Variants in GRIN2A observed in about 807,000 individuals in gnomAD.
The protein encoded by GRIN2A is glutamate ionotropic receptor NMDA type subunit 2A, also known as glutamate receptor ionotropic, NMDA 2A.
In GRIN2A, 22 loss-of-function variants were observed where a neutral mutation model predicts 113.4. That is an observed-to-expected ratio of 0.19 (90% CI 0.14 to 0.28). The LOEUF (loss-of-function observed/expected upper bound fraction) is 0.28, where lower values mean the gene tolerates loss of function less well. Among genes scored for constraint, GRIN2A ranks in the 10% least tolerant of loss-of-function variants. The pLI, the probability that GRIN2A is intolerant of heterozygous loss-of-function variation, is 1.00. For synonymous variants in GRIN2A, 827 were observed against 738.4 expected (o/e 1.12, Z -1.94); for missense variants, 1,502 against 1,887.0 (o/e 0.80, Z 3.78).
chr16:10,113,976 G>A (rs887296883), intron 2 of GRIN2A, among the ~76,000 whole-genome samples: 5 of 151,688 alleles, frequency 3.3e-5, no homozygotes, highest in African/African-American at 1.2e-4. Context: ...GGCTAGGGCA[G>A]AGTTCAAGAC....
intron 9 of GRIN2A, among the ~76,000 whole-genome samples, chr16:9,822,977 A>G (rs895542424): frequency 2.6e-5 from 4 of 152,206 alleles, no homozygotes; most frequent in Non-Finnish European, 5.9e-5. Context: ...TCACTCCTGC[A>G]GGCACTATTT....
chr16:10,023,666 G>A (rs1277990845), intron 2 of GRIN2A, among the ~76,000 whole-genome samples: 1 of 152,190 alleles, frequency 6.6e-6, no homozygotes, highest in Non-Finnish European at 1.5e-5. Flanking sequence ...CCTCTTGTGA[G>A]AAAAAAGTTT....
In GRIN2A at chr16:9,754,528, T is replaced by A. The variant is rs1366342612; in HGVS notation, c.*8621A>T. 3 of 212,718 alleles carry A rather than the reference T, an allele frequency of 1.4e-5. No homozygotes were observed. The highest frequency in any genetic ancestry group is 2.9e-5 in the Non-Finnish European group (3 of 105,200). 13.2% of individuals were successfully genotyped at this position (212,718 alleles called of 1,614,324 possible). ...AATTCATCAAAAATTTCAAACAAGATCACCTGGATTTGGCTCAAATTAGAG... is the reference window on the plus strand; with the variant it reads ...AATTCATCAAAAATTTCAAACAAGAACACCTGGATTTGGCTCAAATTAGAG... On this transcript the variant is annotated 3_prime_UTR_variant, in exon 13 of 13. Transcript: ENST00000330684.
intron 2 of GRIN2A, among the ~76,000 whole-genome samples, chr16:10,072,892 G>C (rs2047785321): frequency 6.6e-6 from 1 of 150,692 alleles, no homozygotes; most frequent in Admixed American, 6.6e-5. Context: ...GAAGCAGAAG[G>C]AAAAATGTGC....
intron 2 of GRIN2A, among the ~76,000 whole-genome samples, chr16:10,080,687 C>T (rs1596485338): frequency 6.6e-6 from 1 of 152,120 alleles, no homozygotes; most frequent in African/African-American, 2.4e-5. Context: ...TACAGATGAG[C>T]GCTACTTAAA....
intron 3 of GRIN2A, among the ~76,000 whole-genome samples, chr16:9,931,747 A>G (rs1354987435): frequency 6.6e-6 from 1 of 152,344 alleles, no homozygotes; most frequent in East Asian, 1.9e-4. Flanking sequence ...GCAGAGAGAA[A>G]GACACACACA....
At chr16:10,156,526 C>G (rs879873893) in intron 2 of GRIN2A, among the ~76,000 whole-genome samples, 1 of 152,078 alleles carries the variant, frequency 6.6e-6, no homozygotes, top group Non-Finnish European at 1.5e-5. Context: ...ATACTGGGCA[C>G]TGAGGGGAGG....
chr16:9,871,325 C>T (rs969647878), intron 4 of GRIN2A, among the ~76,000 whole-genome samples: 15 of 151,704 alleles, frequency 9.9e-5, no homozygotes, highest in Admixed American at 8.5e-4. Flanking sequence ...CATACATATG[C>T]AGGACTTAAA....
intron 10 of GRIN2A, among the ~76,000 whole-genome samples, chr16:9,811,892 T>C (rs755873027): frequency 6.6e-6 from 1 of 152,222 alleles, no homozygotes; most frequent in Non-Finnish European, 1.5e-5. Flanking sequence ...TTGGCTCGAA[T>C]AGAAGAAATT....
intron 2 of GRIN2A, among the ~76,000 whole-genome samples, chr16:10,021,792 G>A (rs1369570741): frequency 6.6e-6 from 1 of 151,942 alleles, no homozygotes. Flanking sequence ...TGAGGAGGCT[G>A]CCAAAGTCAA....
At chr16:9,941,637 C>A (rs1318946509) in intron 2 of GRIN2A, among the ~76,000 whole-genome samples, 1 of 152,152 alleles carries the variant, frequency 6.6e-6, no homozygotes, top group Non-Finnish European at 1.5e-5. Flanking sequence ...GTTGGACTAC[C>A]CAGCTCCAAT....
At chr16:9,815,783 A>G (rs2042175305) in intron 10 of GRIN2A, among the ~76,000 whole-genome samples, 1 of 152,266 alleles carries the variant, frequency 6.6e-6, no homozygotes, top group African/African-American at 2.4e-5. Flanking sequence ...TACCAACAAA[A>G]AAAACCAAAG....
chr16:10,114,064 T>C (rs144101085), intron 2 of GRIN2A, among the ~76,000 whole-genome samples: 72 of 151,918 alleles, frequency 4.7e-4, no homozygotes, highest in African/African-American at 1.6e-3. Flanking sequence ...TGGTGGTGTG[T>C]GCCTGTAGTG....
At chr16:10,166,555 C>A (rs1260893759) in intron 2 of GRIN2A, among the ~76,000 whole-genome samples, 2 of 152,186 alleles carry the variant, frequency 1.3e-5, no homozygotes, top group Non-Finnish European at 2.9e-5. Context: ...GTGGATGAAG[C>A]TGTCCCTCCT....
chr16:10,019,467 G>A (rs894118773), intron 2 of GRIN2A, among the ~76,000 whole-genome samples: 1 of 152,186 alleles, frequency 6.6e-6, no homozygotes, highest in Non-Finnish European at 1.5e-5. Context: ...ATTTCAAAGA[G>A]GGAAGCTAAA....
At position 9,822,267 on chromosome 16, in the gene GRIN2A, G is replaced by A. The variant is rs376029542; in HGVS notation, c.2165C>T (p.Thr722Met). 97 of 1,613,774 alleles carry A rather than the reference G, an allele frequency of 6.0e-5. No individual in the cohort carries two copies. In the Middle Eastern group the frequency reaches 6.6e-4, roughly 11 times the overall value. ...GVEDALVSLK[T>M]GKLDAFIYDA... ...AAAAGGAAACTGCCATCCTTACCCC[G>A]TTTTCAGGCTGACCAAGGCGTCCTC... Residue 722 changes from threonine to methionine, a missense_variant, in exon 10 of 13, where the codon ACG becomes ATG. Thr to Met is a moderately conservative substitution (Grantham distance 81, BLOSUM62 -1). Coordinates refer to ENST00000330684, the MANE Select transcript of GRIN2A (RefSeq NM_001134407.3).
intron 2 of GRIN2A, among the ~76,000 whole-genome samples, chr16:10,069,420 G>A (rs891895721): frequency 6.6e-6 from 1 of 152,226 alleles, no homozygotes; most frequent in East Asian, 1.9e-4. Flanking sequence ...TGAGGTTGCT[G>A]AGAACAGACA....
chr16:10,040,905 G>C (rs183755694), intron 2 of GRIN2A, among the ~76,000 whole-genome samples: 3 of 152,336 alleles, frequency 2.0e-5, no homozygotes, highest in African/African-American at 7.2e-5. Context: ...AGCGGCCCCA[G>C]CCAGGAACAC....
At chr16:10,066,297 G>T (rs918041160) in intron 2 of GRIN2A, among the ~76,000 whole-genome samples, 1 of 152,138 alleles carries the variant, frequency 6.6e-6, no homozygotes, top group Non-Finnish European at 1.5e-5. Flanking sequence ...CGAAGTGGCC[G>T]CTGGGCTCCT....
Sources: gnomAD v4.1 joint callset for allele counts (sites outside exome capture counted in the v4.1 genomes callset) on GRCh38, gnomAD v4.1.1 for gene constraint, MANE v1.5 for transcripts, NCBI Gene and HGNC (gene_info 2026-07-23, HGNC 2026-07-21) for gene names.